Variants in DOT1L observed in about 807,000 individuals in gnomAD.
DOT1L encodes histone-lysine N-methyltransferase, H3 lysine-79 specific.
Under a neutral mutation model 153.3 loss-of-function variants are expected in DOT1L, and 33 were observed. That is an observed-to-expected ratio of 0.22 (90% CI 0.16 to 0.29). The LOEUF is 0.29. Among genes scored for constraint, DOT1L ranks in the 10% least tolerant of loss-of-function variants. The pLI, the probability that DOT1L is intolerant of heterozygous loss-of-function variation, is 1.00. For missense variants in DOT1L, 1,847 were observed against 2,119.9 expected (o/e 0.87, Z 2.53); for synonymous variants, 1,135 against 965.1 (o/e 1.18, Z -3.26).
intron 1 of DOT1L, among the ~76,000 whole-genome samples, chr19:2,167,707 G>A (rs1279698433): frequency 6.6e-6 from 1 of 151,922 alleles, no homozygotes; most frequent in African/African-American, 2.4e-5. Context: ...CAAGAAGTGA[G>A]GGGTGGTTCT....
At position 2,208,834 on chromosome 19, in the gene DOT1L, C is replaced by A; in HGVS notation, c.964-101C>A. ...TGTCCCCAGATACCAGAACAGCCTC[C>A]CCAGCCACTGTCCAGGTTGCTGTTG... On this transcript the variant is annotated intron_variant, in intron 11 of 27. Coordinates refer to ENST00000398665, the MANE Select transcript of DOT1L (RefSeq NM_032482.3). This position sits in a 1 kb window ranked among gnomAD's most constrained non-coding sequence, Gnocchi z 4.4. 1 of 1,261,428 alleles carries A rather than the reference C, an allele frequency of 7.9e-7. No individual in the cohort carries two copies. The highest frequency in any genetic ancestry group is 1.1e-6 in the Non-Finnish European group (1 of 891,814). 78.1% of individuals were successfully genotyped at this position (1,261,428 alleles called of 1,614,324 possible).
chr19:2,216,211 C>T lies in DOT1L; in HGVS notation c.1924-70C>T, dbSNP rs2023891492. The T allele has an allele frequency of 2.7e-6, 4 of 1,502,348 alleles. No homozygotes were observed. In the East Asian group the frequency reaches 9.2e-5, roughly 34 times the overall value. 93.1% of individuals were successfully genotyped at this position (1,502,348 alleles called of 1,614,324 possible). ...CCTGGCCACCCCTCCGGGTGTCCAT[C>T]TGTGGCAGTCTTGGTTCCCTGGAGT... On this transcript the variant is annotated intron_variant, in intron 19 of 27. Coordinates refer to ENST00000398665, the MANE Select transcript of DOT1L (RefSeq NM_032482.3).
intron 1 of DOT1L, among the ~76,000 whole-genome samples, chr19:2,174,747 A>G (rs2021825634): frequency 1.3e-5 from 2 of 150,870 alleles, no homozygotes; most frequent in African/African-American, 2.4e-5. Flanking sequence ...AGTCTCCCAA[A>G]CAGCTGAGAC....
rs1432450655 is a variant in DOT1L, at chr19:2,164,189, G to A, written c.5G>A (p.Gly2Glu). ...GCGGCGGCCGCGCGCGCGGACATGG[G>A]GGAGAAGCTGGAGCTGAGACTGAAG... is the stretch of plus-strand genomic sequence containing the variant. M[G>E]EKLELRLKSP... is the part of the protein sequence containing the mutation. The change falls in exon 1 of 28, where the codon GGG becomes GAG. Residue 2 changes from glycine (G) to glutamate (E), a missense_variant. By Grantham distance (98) the Gly-to-Glu change is moderately conservative (BLOSUM62 -2). Around this residue, in one of 8 missense-constraint regions of DOT1L, gnomAD observed 37 missense variants for 31.0 expected, o/e 1.19. Transcript: ENST00000398665. The A allele has an allele frequency of 4.8e-6, 6 of 1,257,212 alleles. No individual in the cohort carries two copies. The highest frequency in any genetic ancestry group is 1.6e-5 in the African/African-American group (1 of 64,060). The allele number at this position is 1,257,212 out of a possible 1,614,324, so 77.9% of individuals were successfully genotyped here.
At chr19:2,225,976 C>T (rs1013414774) in intron 26 of DOT1L, among the ~76,000 whole-genome samples, 2 of 152,182 alleles carry the variant, frequency 1.3e-5, no homozygotes, top group Non-Finnish European at 2.9e-5. Context: ...TCATCCTGTG[C>T]TGTAGTCCTC....
intron 6 of DOT1L, 143 bp from the exon 7 acceptor site, chr19:2,194,372 C>T (rs1291804103): frequency 9.9e-6 from 8 of 809,782 alleles, no homozygotes; most frequent in East Asian, 2.7e-5. Flanking sequence ...GGGGTTTCAC[C>T]GTGTTAGCCA....
At position 2,230,550 on chromosome 19, in the gene DOT1L, T is replaced by A. The variant is rs1008758794; in HGVS notation, c.*758T>A. 2 of 398,610 alleles carry A rather than the reference T, an allele frequency of 5.0e-6. No homozygotes were observed. The highest frequency in any genetic ancestry group is 4.1e-5 in the African/African-American group (2 of 48,648). 24.7% of individuals were successfully genotyped at this position (398,610 alleles called of 1,614,324 possible). A position where few individuals can be genotyped will look rare whatever the true frequency, so the allele number is the denominator to read the frequency against. On this transcript the variant is annotated 3_prime_UTR_variant, in exon 28 of 28. Transcript: ENST00000398665. ...TGCATTTACTTTTGTATTTCTCGGCTGTCCATGGCTCGCAGCATGCCCTGC... is the reference window on the plus strand; with the variant it reads ...TGCATTTACTTTTGTATTTCTCGGCAGTCCATGGCTCGCAGCATGCCCTGC...
At chr19:2,170,666 T>G (rs969257049) in intron 1 of DOT1L, among the ~76,000 whole-genome samples, 1 of 152,138 alleles carries the variant, frequency 6.6e-6, no homozygotes, top group Non-Finnish European at 1.5e-5. Flanking sequence ...TGCTTCTGAG[T>G]GACCGGTCGG....
At chr19:2,209,260 C>T (rs1599590976) in intron 12 of DOT1L, among the ~76,000 whole-genome samples, 3 of 152,254 alleles carry the variant, frequency 2.0e-5, no homozygotes, top group South Asian at 2.1e-4. Flanking sequence ...CCTCCCTCTC[C>T]GTTTCTCTCT....
chr19:2,173,668 C>T (rs576565278), intron 1 of DOT1L, among the ~76,000 whole-genome samples: 28 of 152,332 alleles, frequency 1.8e-4, no homozygotes, highest in Admixed American at 4.6e-4. Flanking sequence ...ACAGCGGGCA[C>T]GGGTTCTGCG....
chr19:2,169,977 C>T (rs755750572), intron 1 of DOT1L, among the ~76,000 whole-genome samples: 2 of 152,072 alleles, frequency 1.3e-5, no homozygotes, highest in Non-Finnish European at 2.9e-5. Flanking sequence ...GCCAACATGA[C>T]GAAACCCCGT....
rs1388498283 is a variant in DOT1L at position 2,210,630 on chromosome 19, G to A, written c.1126G>A (p.Ala376Thr). 6.2e-7 allele frequency: 1 copy of A among 1,612,576 alleles called. No individual in the cohort carries two copies. Among genetic ancestry groups the A allele is most frequent in the Non-Finnish European group, 8.5e-7 (1 of 1,179,744 alleles). ...GPADAPMDSG[A>T]EEEKAGAATV... ...CCCTTGTGTCCTCCAGGACTCTGGT[G>A]CTGAGGAAGAGAAGGCGGGAGCAGC... The change falls in exon 14 of 28, where the codon GCT becomes ACT. Residue 376 changes from alanine (A) to threonine (T), a missense_variant. Around this residue, in one of 8 missense-constraint regions of DOT1L, gnomAD observed 205 missense variants for 203.1 expected, o/e 1.01. Coordinates refer to ENST00000398665, the MANE Select transcript of DOT1L (RefSeq NM_032482.3).
At chr19:2,201,247 T>TCATTCCTCGTCCTCCCCG (rs1376729460) in intron 8 of DOT1L, among the ~76,000 whole-genome samples, 10 of 115,542 alleles carry the variant, frequency 8.7e-5, no homozygotes, top group African/African-American at 2.7e-4. Context: ...CGTCCTCCCC[T>TCATTCCTCGTCCTCCCCG]CATTCCTCGT....
intron 7 of DOT1L, 132 bp downstream of exon 7, chr19:2,194,709 C>T: frequency 9.6e-7 from 1 of 1,042,764 alleles, no homozygotes; most frequent in Non-Finnish European, 1.4e-6. Context: ...GGAGTCCCCT[C>T]TGGTTCTCGT....
At position 2,213,830 on chromosome 19, in the gene DOT1L, C is replaced by T. The variant is rs747725762; in HGVS notation, c.1660-19C>T. The stretch of plus-strand genomic sequence containing the variant: ...TTGGAGGCCACCAGCATGACCTCTC[C>T]CCCGCCCCATGTCCCCAGCTGGGTG... On this transcript the variant is annotated intron_variant, in intron 17 of 27. Coordinates refer to ENST00000398665, the MANE Select transcript of DOT1L (RefSeq NM_032482.3). 7.4e-6 allele frequency: 12 copies of T among 1,612,926 alleles called. No individual in the cohort carries two copies. The highest frequency in any genetic ancestry group is 1.6e-4 in the Middle Eastern group (1 of 6,062).
chr19:2,188,511 GC>G (rs1467130401), intron 3 of DOT1L, among the ~76,000 whole-genome samples: 2 of 97,554 alleles, frequency 2.1e-5, no homozygotes, highest in Admixed American at 2.0e-4. Flanking sequence ...ACAGGTGCAG[GC>G]CCCCTCGGCG....
At chr19:2,194,825 A>C (rs1185163958) in intron 7 of DOT1L, among the ~76,000 whole-genome samples, 1 of 152,188 alleles carries the variant, frequency 6.6e-6, no homozygotes, top group Non-Finnish European at 1.5e-5. Context: ...CATGCGGTGC[A>C]CAGAGGTGGT....
At chr19:2,215,070 G>T (rs2023847707) in intron 19 of DOT1L, among the ~76,000 whole-genome samples, 2 of 152,086 alleles carry the variant, frequency 1.3e-5, no homozygotes. Context: ...ACAAAAATTA[G>T]CCGGGTGTGG....
intron 3 of DOT1L, among the ~76,000 whole-genome samples, chr19:2,187,293 T>C (rs1308491244): frequency 1.3e-5 from 2 of 152,352 alleles, no homozygotes; most frequent in Non-Finnish European, 1.5e-5. Flanking sequence ...CTCACTTGTG[T>C]GTGGCCAGCT....
Sources: allele counts gnomAD v4.1 joint callset (sites outside exome capture counted in the v4.1 genomes callset), GRCh38; gene constraint gnomAD v4.1.1; regional missense constraint gnomAD v4.1.1; non-coding constraint Gnocchi (gnomAD v3.1); transcripts MANE v1.5; gene names NCBI Gene and HGNC (gene_info 2026-07-23, HGNC 2026-07-21).